Variants in AUTS2 observed in about 807,000 individuals in gnomAD.
The protein encoded by AUTS2 is activator of transcription and developmental regulator AUTS2, also known as autism susceptibility gene 2 protein.
AUTS2 carries 17 observed loss-of-function variants against 112.4 expected under a neutral mutation model. That is an observed-to-expected ratio of 0.15 (90% CI 0.10 to 0.23). AUTS2 has a LOEUF of 0.23. Among genes scored for constraint, AUTS2 ranks in the 10% least tolerant of loss-of-function variants. The pLI, the probability that AUTS2 is intolerant of heterozygous loss-of-function variation, is 1.00. For synonymous variants in AUTS2, 751 were observed against 702.7 expected (o/e 1.07, Z -1.09); for missense variants, 1,510 against 1,701.6 (o/e 0.89, Z 1.98).
At chr7:70,743,266 A>C (rs543966441) in intron 6 of AUTS2, among the ~76,000 whole-genome samples, 2 of 152,168 alleles carry the variant, frequency 1.3e-5, no homozygotes, top group Non-Finnish European at 2.9e-5. Flanking sequence ...CCAGGAGTTC[A>C]AGACCAACAT....
At chr7:70,715,272 T>C (rs1049846405) in intron 6 of AUTS2, among the ~76,000 whole-genome samples, 4 of 152,216 alleles carry the variant, frequency 2.6e-5, no homozygotes, top group African/African-American at 9.7e-5. Flanking sequence ...TTTCAGTGCA[T>C]TGAGCTTTTC....
intron 5 of AUTS2, among the ~76,000 whole-genome samples, chr7:70,514,694 T>G (rs2116837487): frequency 6.6e-6 from 1 of 152,184 alleles, no homozygotes; most frequent in Admixed American, 6.5e-5. Flanking sequence ...GGTCATAAGG[T>G]GTGAGCATCT....
chr7:70,123,964 C>T (rs931723477), intron 3 of AUTS2, among the ~76,000 whole-genome samples: 10 of 152,114 alleles, frequency 6.6e-5, no homozygotes, highest in Non-Finnish European at 1.5e-4. Context: ...ACACTCCCAC[C>T]GATAGTTTAT....
At chr7:70,076,092 G>A (rs1056026386) in intron 2 of AUTS2, among the ~76,000 whole-genome samples, 7 of 152,136 alleles carry the variant, frequency 4.6e-5, no homozygotes, top group African/African-American at 9.7e-5. Flanking sequence ...ATTGGCCATC[G>A]TTTACCAACC....
intron 1 of AUTS2, among the ~76,000 whole-genome samples, chr7:69,735,153 T>C (rs1020424886): frequency 2.6e-5 from 4 of 152,176 alleles, no homozygotes; most frequent in Admixed American, 2.6e-4. Context: ...AAACAGAGCG[T>C]TTTTTCATAA....
chr7:70,000,425 T>C (rs1799139192), intron 2 of AUTS2, among the ~76,000 whole-genome samples: 1 of 152,220 alleles, frequency 6.6e-6, no homozygotes, highest in Non-Finnish European at 1.5e-5. Flanking sequence ...AAATGTCTGT[T>C]GTGTACAGTT....
chr7:70,328,809 TAAC>T, intron 4 of AUTS2, among the ~76,000 whole-genome samples: 1 of 152,334 alleles, frequency 6.6e-6, no homozygotes, highest in South Asian at 2.1e-4. Context: ...AATATAAAAT[TAAC>T]AATTTTAAAG....
intron 6 of AUTS2, among the ~76,000 whole-genome samples, chr7:70,701,672 T>C (rs1381417512): frequency 2.0e-5 from 3 of 151,772 alleles, no homozygotes; most frequent in Non-Finnish European, 4.4e-5. Flanking sequence ...ACACACAACA[T>C]GCCTAATGAG....
At chr7:70,401,130 G>A (rs1794309035) in intron 4 of AUTS2, among the ~76,000 whole-genome samples, 1 of 152,124 alleles carries the variant, frequency 6.6e-6, no homozygotes, top group African/African-American at 2.4e-5. Context: ...GGGAGAAATG[G>A]GACTTAACAA....
At chr7:70,412,731 A>G (rs1476256916) in intron 4 of AUTS2, among the ~76,000 whole-genome samples, 2 of 152,212 alleles carry the variant, frequency 1.3e-5, no homozygotes, top group Middle Eastern at 3.2e-3. Flanking sequence ...AGTGGATCAC[A>G]CTTGTAATCC....
chr7:70,727,936 G>A (rs1413752931), intron 6 of AUTS2, among the ~76,000 whole-genome samples: 5 of 152,218 alleles, frequency 3.3e-5, no homozygotes, highest in Admixed American at 2.6e-4. Context: ...GGACCTGATT[G>A]TTCAGATTCT....
At chr7:70,652,329 C>T (rs1647732192) in intron 5 of AUTS2, among the ~76,000 whole-genome samples, 1 of 149,598 alleles carries the variant, frequency 6.7e-6, no homozygotes, top group Admixed American at 6.7e-5. Flanking sequence ...CTACTTAACA[C>T]CAGCAAAAGT....
chr7:70,191,031 G>A (rs902361685), intron 4 of AUTS2, among the ~76,000 whole-genome samples: 4 of 151,966 alleles, frequency 2.6e-5, no homozygotes, highest in African/African-American at 9.7e-5. Context: ...CATCAACACA[G>A]AGCATTCCTC....
At chr7:70,321,411 C>T (rs1790248282) in intron 4 of AUTS2, among the ~76,000 whole-genome samples, 1 of 152,080 alleles carries the variant, frequency 6.6e-6, no homozygotes, top group Non-Finnish European at 1.5e-5. Flanking sequence ...TTGTTGGCCT[C>T]CTTTAAATAT....
chr7:70,407,766 A>G (rs1237953847), intron 4 of AUTS2, among the ~76,000 whole-genome samples: 2 of 151,998 alleles, frequency 1.3e-5, no homozygotes, highest in African/African-American at 4.8e-5. Flanking sequence ...AGAAAAGTCA[A>G]AAAATGGGCC....
intron 5 of AUTS2, among the ~76,000 whole-genome samples, chr7:70,444,164 G>C (rs1364726161): frequency 1.3e-5 from 2 of 152,170 alleles, no homozygotes; most frequent in African/African-American, 4.8e-5. Flanking sequence ...CTGAATACCA[G>C]GAGGGTCATG....
chr7:70,220,348 T>C (rs1456401600), intron 4 of AUTS2, among the ~76,000 whole-genome samples: 1 of 152,224 alleles, frequency 6.6e-6, no homozygotes, highest in African/African-American at 2.4e-5. Flanking sequence ...ACCTTTCCTC[T>C]GTACCTGCTG....
At chr7:70,018,211 T>TC (rs1041750832) in intron 2 of AUTS2, among the ~76,000 whole-genome samples, 77 of 150,562 alleles carry the variant, frequency 5.1e-4, no homozygotes, top group African/African-American at 1.8e-3. Flanking sequence ...GTAGGACTCT[T>TC]TTTTTTTTAA....
At chr7:69,948,202 G>A (rs1796890891) in intron 2 of AUTS2, among the ~76,000 whole-genome samples, 1 of 152,178 alleles carries the variant, frequency 6.6e-6, no homozygotes, top group South Asian at 2.1e-4. Flanking sequence ...AAGTGGATAA[G>A]CAAGTGGAGT....
Sources: allele counts gnomAD v4.1 joint callset (sites outside exome capture counted in the v4.1 genomes callset), GRCh38; gene constraint gnomAD v4.1.1; transcripts MANE v1.5; gene names NCBI Gene and HGNC (gene_info 2026-07-23, HGNC 2026-07-21).